CCSER1: variants seen among roughly 807,000 people sequenced by gnomAD.
CCSER1 encodes the protein serine-rich coiled-coil domain-containing protein 1.
CCSER1 carries 41 observed loss-of-function variants against 82.0 expected under a neutral mutation model. The ratio of observed to expected loss-of-function variants is 0.50; its 90% CI spans 0.39 to 0.65. The LOEUF is 0.65. Among genes scored for constraint, CCSER1 ranks in the 30% least tolerant of loss-of-function variants. CCSER1 has a pLI of 0.00. For missense variants in CCSER1, 1,119 were observed against 1,064.2 expected, an observed-to-expected ratio of 1.05 and a Z score of -0.72; for synonymous variants, 414 against 383.9, an observed-to-expected ratio of 1.08 and a Z score of -0.92.
At position 90,658,439 on chromosome 4, in the gene CCSER1, C is replaced by A. The variant is rs79005878; in HGVS notation, c.1932+30207C>A. ...AGGAGTTTCCCCAGGAACTCCTCTCCCTGGGAGACCTGAATTCCAATGTCT... is the reference window on the plus strand; with the variant it reads ...AGGAGTTTCCCCAGGAACTCCTCTCACTGGGAGACCTGAATTCCAATGTCT... On this transcript the variant is annotated intron_variant, in intron 6 of 10. Coordinates refer to ENST00000509176, the MANE Select transcript of CCSER1 (RefSeq NM_001145065.2). 6.4e-4 allele frequency among the ~76,000 whole-genome samples: 97 copies of A among 152,230 alleles called. 1 individual carries two copies. The East Asian group carries it at 0.015, about 24-fold the overall frequency.
intron 8 of CCSER1, 123 bp downstream of exon 8, chr4:90,815,968 A>G (rs937780253): frequency 2.0e-5 from 11 of 558,282 alleles, no homozygotes; most frequent in South Asian, 3.1e-5. Flanking sequence ...GTTCAATCCA[A>G]TGATCAGTTT....
chr4:90,702,887 C>A (rs1408398314), intron 6 of CCSER1, among the ~76,000 whole-genome samples: 2 of 152,018 alleles, frequency 1.3e-5, no homozygotes, highest in Non-Finnish European at 2.9e-5. Context: ...GTCTTGCTAG[C>A]AGTCTATCAA....
At chr4:90,735,454 C>G (rs1302089874) in intron 7 of CCSER1, among the ~76,000 whole-genome samples, 1 of 152,020 alleles carries the variant, frequency 6.6e-6, no homozygotes, top group Non-Finnish European at 1.5e-5. Context: ...GGGTCCTGGG[C>G]TTTTCTTTGC....
intron 3 of CCSER1, among the ~76,000 whole-genome samples, chr4:90,375,706 C>T (rs1354910445): frequency 6.6e-6 from 1 of 152,106 alleles, no homozygotes; most frequent in African/African-American, 2.4e-5. Flanking sequence ...CCAGATTTTC[C>T]ACCTCCCATG....
chr4:91,059,922 C>A (rs112878200), intron 9 of CCSER1, among the ~76,000 whole-genome samples: 2 of 152,152 alleles, frequency 1.3e-5, no homozygotes, highest in East Asian at 3.9e-4. Context: ...TTCACACAAA[C>A]CTCTCTATCA....
intron 5 of CCSER1, among the ~76,000 whole-genome samples, chr4:90,479,975 T>C (rs1215306506): frequency 6.6e-6 from 1 of 152,228 alleles, no homozygotes; most frequent in Non-Finnish European, 1.5e-5. Flanking sequence ...ATTGTTGAAC[T>C]AGTTTACAGT....
chr4:91,159,792 TA>T (rs1173429898), intron 10 of CCSER1, among the ~76,000 whole-genome samples: 1 of 151,984 alleles, frequency 6.6e-6, no homozygotes, highest in Non-Finnish European at 1.5e-5. Context: ...AACATAATTT[TA>T]AATATAACTC....
intron 10 of CCSER1, among the ~76,000 whole-genome samples, chr4:91,527,078 G>A (rs1760804739): frequency 6.6e-6 from 1 of 152,152 alleles, no homozygotes; most frequent in African/African-American, 2.4e-5. Context: ...GAACACAGAA[G>A]AAGGAAGCAA....
intron 9 of CCSER1, among the ~76,000 whole-genome samples, chr4:90,972,447 C>A (rs1305307709): frequency 1.3e-5 from 2 of 151,408 alleles, no homozygotes; most frequent in Non-Finnish European, 1.5e-5. Flanking sequence ...ATAAAAAAAA[C>A]TTAAGAATAA....
chr4:90,979,780 C>T (rs1735942577), intron 9 of CCSER1, among the ~76,000 whole-genome samples: 1 of 151,794 alleles, frequency 6.6e-6, no homozygotes, highest in Admixed American at 6.6e-5. Context: ...AGCTCCATTT[C>T]ACGTTTACAT....
At chr4:90,629,675 ATACAGGT>A (rs1560843848) in intron 6 of CCSER1, among the ~76,000 whole-genome samples, 1 of 152,166 alleles carries the variant, frequency 6.6e-6, no homozygotes, top group Non-Finnish European at 1.5e-5. Flanking sequence ...TCTGTGTCCC[ATACAGGT>A]TATATCTCTA....
At chr4:91,484,905 C>G (rs556074102) in intron 10 of CCSER1, among the ~76,000 whole-genome samples, 6 of 152,150 alleles carry the variant, frequency 3.9e-5, no homozygotes, top group African/African-American at 1.4e-4. Flanking sequence ...GTGGCTATTA[C>G]AGTTAAAATG....
chr4:91,007,370 T>G (rs1738607354), intron 9 of CCSER1, among the ~76,000 whole-genome samples: 1 of 152,230 alleles, frequency 6.6e-6, no homozygotes. Flanking sequence ...TTGGTATTAG[T>G]TCTTTAATGA....
At chr4:90,360,945 A>G (rs1275597697) in intron 3 of CCSER1, among the ~76,000 whole-genome samples, 6 of 152,206 alleles carry the variant, frequency 3.9e-5, no homozygotes, top group African/African-American at 1.4e-4. Context: ...TGAGACCATA[A>G]TAAAGATAAA....
chr4:91,167,902 C>T (rs1732271254), intron 10 of CCSER1, among the ~76,000 whole-genome samples: 1 of 152,092 alleles, frequency 6.6e-6, no homozygotes, highest in African/African-American at 2.4e-5. Flanking sequence ...GTGCCTCTGC[C>T]CGGCCGCCAC....
intron 10 of CCSER1, among the ~76,000 whole-genome samples, chr4:91,395,840 C>CA (rs1480236913): frequency 6.6e-6 from 1 of 152,050 alleles, no homozygotes; most frequent in African/African-American, 2.4e-5. Flanking sequence ...GACTATGCCT[C>CA]AAGTTACTAC....
chr4:90,874,637 GC>G (rs539468607), intron 8 of CCSER1, among the ~76,000 whole-genome samples: 124 of 152,096 alleles, frequency 8.2e-4, no homozygotes, highest in Non-Finnish European at 1.5e-3. Context: ...TTCAACAAAT[GC>G]TTATAGATGA....
intron 8 of CCSER1, among the ~76,000 whole-genome samples, chr4:90,882,321 C>T (rs759402731): frequency 6.6e-6 from 1 of 151,972 alleles, no homozygotes; most frequent in Non-Finnish European, 1.5e-5. Context: ...AATGAATACA[C>T]ACATATGCAC....
chr4:91,036,752 G>A (rs1415901501), intron 9 of CCSER1, among the ~76,000 whole-genome samples: 1 of 152,068 alleles, frequency 6.6e-6, no homozygotes, highest in East Asian at 1.9e-4. Context: ...GATAAATGGA[G>A]ATCAAAATTT....
Sources: gnomAD v4.1 joint callset for allele counts (sites outside exome capture counted in the v4.1 genomes callset) on GRCh38, gnomAD v4.1.1 for gene constraint, MANE v1.5 for transcripts, NCBI Gene and HGNC (gene_info 2026-07-23, HGNC 2026-07-21) for gene names.